The following LMAN2 variants were observed in gnomAD, a reference collection of about 807,000 sequenced individuals.
LMAN2 encodes the protein vesicular integral-membrane protein VIP36.
LMAN2 carries 22 observed loss-of-function variants against 39.3 expected under a neutral mutation model. The ratio of observed to expected loss-of-function variants is 0.56; its 90% CI spans 0.40 to 0.80. LMAN2 has a LOEUF of 0.80. Among genes scored for constraint, LMAN2 ranks in the 30% least tolerant of loss-of-function variants. The pLI is 0.00. For missense variants in LMAN2, 494 were observed against 505.4 expected, an observed-to-expected ratio of 0.98 and a Z score of 0.22; for synonymous variants, 207 against 207.8, an observed-to-expected ratio of 1.00 and a Z score of 0.03.
At chr5:177,341,971 GA>G (rs1761560116) in intron 2 of LMAN2, among the ~76,000 whole-genome samples, 1 of 151,820 alleles carries the variant, frequency 6.6e-6, no homozygotes, top group Non-Finnish European at 1.5e-5. Flanking sequence ...AATAGAAGAG[GA>G]AAAATAGGAT....
chr5:177,351,101 G>A (rs1761715653), intron 2 of LMAN2, 72 bp downstream of exon 2: 2 of 1,329,848 alleles, frequency 1.5e-6, no homozygotes, highest in African/African-American at 2.9e-5. Flanking sequence ...CGAAGCTGGG[G>A]TCTCAGCTGC....
intron 6 of LMAN2, among the ~76,000 whole-genome samples, chr5:177,335,692 G>A (rs1184708886): frequency 1.3e-5 from 2 of 152,198 alleles, no homozygotes; most frequent in African/African-American, 4.8e-5. Flanking sequence ...TCCTCTGCTG[G>A]GTATGTGACT....
At position 177,337,106 on chromosome 5, in the gene LMAN2, G is replaced by T; in HGVS notation, c.790+30C>A. 1 of 1,550,930 alleles carries T rather than the reference G, an allele frequency of 6.4e-7. No individual in the cohort carries two copies. On this transcript the variant is annotated intron_variant, in intron 6 of 7. Coordinates refer to ENST00000303127, the MANE Select transcript of LMAN2 (RefSeq NM_006816.3). The surrounding 1 kb of genome is among the most constrained non-coding windows in gnomAD (Gnocchi z 8.2). Reference sequence around the variant, plus strand: ...CCAGTCCCTCAGGGTGAGCTGGGCTGGGAACCAACGCCTGGCCCGGCCCAC... The same window carrying T: ...CCAGTCCCTCAGGGTGAGCTGGGCTTGGAACCAACGCCTGGCCCGGCCCAC...
At chr5:177,342,968 C>A (rs1169990833) in intron 2 of LMAN2, among the ~76,000 whole-genome samples, 3 of 151,806 alleles carry the variant, frequency 2.0e-5, no homozygotes, top group African/African-American at 7.3e-5. Context: ...ATTAAAAAAC[C>A]CTAGGCCGGG....
At chr5:177,336,225 G>A (rs1205289219) in intron 6 of LMAN2, among the ~76,000 whole-genome samples, 1 of 152,152 alleles carries the variant, frequency 6.6e-6, no homozygotes, top group Non-Finnish European at 1.5e-5. Flanking sequence ...CAAGGCCCTA[G>A]GAGACAAGGG....
intron 3 of LMAN2, 95 bp downstream of exon 3, chr5:177,338,393 C>T (rs1404330005): frequency 1.2e-5 from 11 of 948,540 alleles, no homozygotes; most frequent in Admixed American, 8.9e-5. Flanking sequence ...CTGGTCCCCA[C>T]GAGCCACAGG....
rs763728449 is a variant in LMAN2, at chr5:177,351,619, C to T, written c.29G>A (p.Trp10Ter). Residue 10 changes from tryptophan to a stop codon, truncating the protein, a stop_gained, in exon 1 of 8, where the codon TGG becomes TAG. Transcript: ENST00000303127. LOFTEE classifies it high-confidence loss of function. Reference sequence around the variant, plus strand: ...TCCCAGGCACCGCCGGCCCCAGCCCCAACGCCAAATCCAGCCTTCCGCCGC... The same window carrying T: ...TCCCAGGCACCGCCGGCCCCAGCCCTAACGCCAAATCCAGCCTTCCGCCGC... Reference protein sequence around the residue: MAAEGWIWRWGWGRRCLGRP... With the variant: MAAEGWIWR The T allele has an allele frequency of 6.2e-7, 1 of 1,600,780 alleles. No homozygotes were observed. Among genetic ancestry groups the T allele is most frequent in the Non-Finnish European group, 8.5e-7 (1 of 1,175,500 alleles).
In LMAN2 at chr5:177,334,687, C is replaced by T. The variant is rs1167654238; in HGVS notation, c.791-284G>A. 3 of 347,600 alleles carry T rather than the reference C, an allele frequency of 8.6e-6. No homozygotes were observed. In the East Asian group the frequency reaches 2.0e-4, roughly 23 times the overall value. 21.5% of individuals were successfully genotyped at this position (347,600 alleles called of 1,614,324 possible). A position where few individuals can be genotyped will look rare whatever the true frequency, so the allele number is the denominator to read the frequency against. On this transcript the variant is annotated intron_variant, in intron 6 of 7. Coordinates refer to ENST00000303127, the MANE Select transcript of LMAN2 (RefSeq NM_006816.3). ...TGCCGCCCTCTTTGAGGCTCATGTT[C>T]CGCACATGTAGAGGAGTGATGATCT...
At chr5:177,345,863 G>C (rs1761630659) in intron 2 of LMAN2, among the ~76,000 whole-genome samples, 1 of 151,998 alleles carries the variant, frequency 6.6e-6, no homozygotes, top group Non-Finnish European at 1.5e-5. Flanking sequence ...TGCCTCCCAG[G>C]TTCAAGCAAT....
chr5:177,339,945 C>T (rs1281846293), intron 2 of LMAN2, among the ~76,000 whole-genome samples: 3 of 151,942 alleles, frequency 2.0e-5, no homozygotes, highest in South Asian at 2.1e-4. Flanking sequence ...AAACCTAGGC[C>T]GAGTCCCCGA....
intron 2 of LMAN2, 76 bp from the exon 3 acceptor site, chr5:177,338,681 C>A: frequency 8.6e-7 from 1 of 1,164,328 alleles, no homozygotes; most frequent in Non-Finnish European, 1.3e-6. Flanking sequence ...CCAGCACGGC[C>A]CCTGCCCCAC....
Position 177,338,377 on chromosome 5 carries a change from G to C in LMAN2, c.433+111C>G, listed in dbSNP as rs562263782. On this transcript the variant is annotated intron_variant, in intron 3 of 7. Coordinates refer to ENST00000303127, the MANE Select transcript of LMAN2 (RefSeq NM_006816.3). The stretch of plus-strand genomic sequence containing the variant: ...AGGCAGCACTTTCCTAACAGGAGAG[G>C]AGACGCTGGTCCCCACGAGCCACAG... 1.4e-5 allele frequency: 11 copies of C among 796,006 alleles called. 1 individual carries two copies. In the South Asian group the frequency reaches 1.6e-4, roughly 12 times the overall value. 49.3% of individuals were successfully genotyped at this position (796,006 alleles called of 1,614,324 possible). A position where few individuals can be genotyped will look rare whatever the true frequency, so the allele number is the denominator to read the frequency against.
chr5:177,337,516 G>C lies in LMAN2; in HGVS notation c.522C>G (p.Phe174Leu). ...YPNDETTERV[F>L]PYISVMVNNG... ...TGTTCACCATCACCGAGATGTACGG[G>C]AACACGCGCTGGGACCAAGACATCG... The change falls in exon 5 of 8, where the codon TTC becomes TTG. Residue 174 changes from phenylalanine (F) to leucine (L), a missense_variant. Coordinates refer to ENST00000303127, the MANE Select transcript of LMAN2 (RefSeq NM_006816.3). This position sits in a 1 kb window ranked among gnomAD's most constrained non-coding sequence, Gnocchi z 8.2. 1 of 1,613,990 alleles carries C rather than the reference G, an allele frequency of 6.2e-7. No individual in the cohort carries two copies. The highest frequency in any genetic ancestry group is 1.1e-5 in the South Asian group (1 of 91,084).
rs185776791 is a variant in LMAN2, at chr5:177,332,870, T to C, written c.911-624A>G. ...CTCTCCAGGCTGTGGGTGGAGGAGC[T>C]GGGGTCTGGCTGGGCCCTGTTTCTG... On this transcript the variant is annotated intron_variant, in intron 7 of 7. Transcript: ENST00000303127. The surrounding 1 kb of genome is among the most constrained non-coding windows in gnomAD (Gnocchi z 6.3). Among the ~76,000 whole-genome samples, 455 of 152,294 alleles carry C rather than the reference T, an allele frequency of 3.0e-3. 1 individual carries two copies. The highest frequency in any genetic ancestry group is 1.0e-2 in the African/African-American group (414 of 41,570).
intron 2 of LMAN2, among the ~76,000 whole-genome samples, chr5:177,340,624 G>C (rs1310830011): frequency 6.6e-6 from 1 of 152,120 alleles, no homozygotes; most frequent in Non-Finnish European, 1.5e-5. Context: ...ACAAAAATTA[G>C]CCAGGCGTGG....
In LMAN2 at chr5:177,337,392, C is replaced by T. The variant is rs755328102; in HGVS notation, c.646G>A (p.Ala216Thr). The change falls in exon 5 of 8, where the codon GCT (alanine) becomes ACT (threonine). Residue 216 changes from alanine to threonine, a missense_variant. Ala to Thr is a moderately conservative substitution (Grantham distance 58). Transcript: ENST00000303127. The surrounding 1 kb of genome is among the most constrained non-coding windows in gnomAD (Gnocchi z 8.2). ...FRNRDHDTFL[A>T]VRYSRGRLTV... is the part of the protein sequence containing the mutation. ...AGACGGCCCCGGGAGTAGCGCACAG[C>T]CAGGAAGGTGTCGTGATCGCGGTTG... 1 of 1,612,404 alleles carries T rather than the reference C, an allele frequency of 6.2e-7. No individual in the cohort carries two copies. Among genetic ancestry groups the T allele is most frequent in the Non-Finnish European group, 8.5e-7 (1 of 1,179,994 alleles).
At chr5:177,345,096 T>C (rs1410287518) in intron 2 of LMAN2, among the ~76,000 whole-genome samples, 4 of 151,452 alleles carry the variant, frequency 2.6e-5, no homozygotes, top group Admixed American at 1.3e-4. Context: ...ATCCCAGCAC[T>C]CTGGGAGGGC....
In LMAN2 at chr5:177,334,689, G is replaced by A. The variant is rs569462534; in HGVS notation, c.791-286C>T. ...CCGCCCTCTTTGAGGCTCATGTTCC[G>A]CACATGTAGAGGAGTGATGATCTCC... On this transcript the variant is annotated intron_variant, in intron 6 of 7. Transcript: ENST00000303127. 161 of 343,230 alleles carry A rather than the reference G, an allele frequency of 4.7e-4. 2 individuals are homozygous for A. The highest frequency in any genetic ancestry group is 4.5e-3 in the Middle Eastern group (5 of 1,108). 21.3% of individuals were successfully genotyped at this position (343,230 alleles called of 1,614,324 possible). A position where few individuals can be genotyped will look rare whatever the true frequency, so the allele number is the denominator to read the frequency against.
rs1170884007 is a variant in LMAN2 at position 177,345,634 on chromosome 5, C to T, written c.315+5539G>A. On this transcript the variant is annotated intron_variant, in intron 2 of 7. Coordinates refer to ENST00000303127, the MANE Select transcript of LMAN2 (RefSeq NM_006816.3). ...TCCTTCAGGAAGACAGGGCCACAGG[C>T]GCTGCAGAGCTGTGGTCTGCCCGCT... Among the ~76,000 whole-genome samples, 3 of 152,230 alleles carry T rather than the reference C, an allele frequency of 2.0e-5. No individual in the cohort carries two copies. The East Asian group carries it at 5.8e-4, about 29-fold the overall frequency.
Sources: allele counts gnomAD v4.1 joint callset (sites outside exome capture counted in the v4.1 genomes callset), GRCh38; gene constraint gnomAD v4.1.1; non-coding constraint Gnocchi (gnomAD v3.1); transcripts MANE v1.5; gene names NCBI Gene and HGNC (gene_info 2026-07-23, HGNC 2026-07-21).